The following RAD54L2 variants were observed in gnomAD, a reference collection of about 807,000 sequenced individuals.
RAD54L2 encodes the protein helicase ARIP4.
RAD54L2 carries 27 observed loss-of-function variants against 138.4 expected under a neutral mutation model. That is an observed-to-expected ratio of 0.20 (90% CI 0.14 to 0.27). RAD54L2 has a LOEUF of 0.27. RAD54L2 is among the 10% of genes least tolerant of loss of function. The probability of loss-of-function intolerance (pLI) is 1.00; values close to 1 mark genes in which losing one functional copy is unlikely to be tolerated. For missense variants in RAD54L2, 1,396 were observed against 1,890.2 expected (o/e 0.74, Z 4.85); for synonymous variants, 644 against 723.2 (o/e 0.89, Z 1.76).
chr3:51,629,657 G>C (rs529205243), intron 5 of RAD54L2, among the ~76,000 whole-genome samples, 184 bp downstream of exon 5: 1 of 151,992 alleles, frequency 6.6e-6, no homozygotes, highest in Non-Finnish European at 1.5e-5. Flanking sequence ...TCAGGAGTTC[G>C]AGACCAGTCT....
chr3:51,582,987 G>T (rs1699641312), intron 2 of RAD54L2, among the ~76,000 whole-genome samples: 2 of 152,056 alleles, frequency 1.3e-5, no homozygotes. Flanking sequence ...GGATGGTCTC[G>T]ATCTCCTGAC....
rs866286625 is a variant in RAD54L2, at chr3:51,630,459, A to G, written c.598+71A>G. The G allele has an allele frequency of 5.8e-5, 81 of 1,401,412 alleles. 1 individual carries two copies. The Middle Eastern group carries it at 1.9e-3, about 32-fold the overall frequency. 86.8% of individuals were successfully genotyped at this position (1,401,412 alleles called of 1,614,324 possible). A position where few individuals can be genotyped will look rare whatever the true frequency, so the allele number is the denominator to read the frequency against. On this transcript the variant is annotated intron_variant, in intron 6 of 22. Coordinates refer to ENST00000684192, the MANE Select transcript of RAD54L2 (RefSeq NM_015106.4). ...TGCTGAGATCGGCTATACTTTGAAAAGAGTCCAGTCCTTCCTCCTTCAATT... is the reference window on the plus strand; with the variant it reads ...TGCTGAGATCGGCTATACTTTGAAAGGAGTCCAGTCCTTCCTCCTTCAATT...
At chr3:51,656,926 G>T (rs989130013) in intron 20 of RAD54L2, among the ~76,000 whole-genome samples, 15 of 152,040 alleles carry the variant, frequency 9.9e-5, no homozygotes, top group African/African-American at 3.1e-4. Flanking sequence ...TAATAGAGAT[G>T]GGGTTTCACC....
At chr3:51,642,353 G>C (rs572176466) in intron 15 of RAD54L2, among the ~76,000 whole-genome samples, 4 of 149,072 alleles carry the variant, frequency 2.7e-5, no homozygotes, top group African/African-American at 9.9e-5. Flanking sequence ...TTTTTGAGCA[G>C]GGGGTGGAAA....
rs375173352 is a variant in RAD54L2 at position 51,573,685 on chromosome 3, G to C, written c.-54-16682G>C. ...GGGTTTTGCCATGTTGGCCACGCTG[G>C]TCTCGAACTCCTGACCTCAGGTGAG... On this transcript the variant is annotated intron_variant, in intron 2 of 22. Transcript: ENST00000684192. Among the ~76,000 whole-genome samples the C allele has an allele frequency of 7.2e-5, 11 of 152,208 alleles. No individual in the cohort carries two copies. In the East Asian group the frequency reaches 1.4e-3, roughly 19 times the overall value.
intron 5 of RAD54L2, 134 bp downstream of exon 5, chr3:51,629,607 C>T: frequency 1.7e-6 from 2 of 1,161,696 alleles, no homozygotes; most frequent in Non-Finnish European, 2.4e-6. Flanking sequence ...GCCTGTAATC[C>T]CAGCATTATG....
intron 2 of RAD54L2, among the ~76,000 whole-genome samples, chr3:51,578,705 A>G (rs1029901041): frequency 1.3e-5 from 2 of 152,078 alleles, no homozygotes; most frequent in African/African-American, 4.8e-5. Context: ...GGGAAGAGCA[A>G]ACTCTTTACT....
intron 3 of RAD54L2, among the ~76,000 whole-genome samples, chr3:51,597,165 CAAAAAAAAAA>C (rs145812228): frequency 1.2e-4 from 6 of 49,270 alleles, no homozygotes; most frequent in Non-Finnish European, 2.0e-4. Flanking sequence ...GACTTCATTT[CAAAAAAAAAA>C]AAAAAAAAAA....
intron 2 of RAD54L2, among the ~76,000 whole-genome samples, chr3:51,544,323 C>G (rs1698631425): frequency 6.6e-6 from 1 of 152,146 alleles, no homozygotes. Context: ...TTTGTTTTTC[C>G]AGGTTGCTAA....
chr3:51,615,631 G>A (rs1280111055), intron 3 of RAD54L2, among the ~76,000 whole-genome samples: 4 of 152,156 alleles, frequency 2.6e-5, no homozygotes, highest in Non-Finnish European at 5.9e-5. Flanking sequence ...CATTCTAGAA[G>A]GGAAGACAGA....
intron 3 of RAD54L2, among the ~76,000 whole-genome samples, chr3:51,590,906 G>C (rs766399360): frequency 3.3e-5 from 5 of 152,170 alleles, no homozygotes; most frequent in Non-Finnish European, 7.3e-5. Context: ...GGAGGCCATG[G>C]GCTCTTCAGG....
chr3:51,635,499 T>C (rs1700963494), intron 9 of RAD54L2, 94 bp from the exon 10 acceptor site: 4 of 1,340,464 alleles, frequency 3.0e-6, no homozygotes, highest in Non-Finnish European at 4.0e-6. Flanking sequence ...CAACACAGCT[T>C]TGATTGTGAG....
In RAD54L2 at chr3:51,668,426, A is replaced by C. The variant is rs1241078746; in HGVS notation, c.*5006A>C. The C allele has an allele frequency of 6.6e-6, 1 of 152,072 alleles. No individual in the cohort carries two copies. The highest frequency in any genetic ancestry group is 1.5e-5 in the Non-Finnish European group (1 of 68,046). 9.4% of individuals were successfully genotyped at this position (152,072 alleles called of 1,614,324 possible). ...CTGGGACCTGTGCCTGGCTTCGAGG[A>C]GCATCTGTGGCTGGGTGATCCAGCT... On this transcript the variant is annotated 3_prime_UTR_variant, in exon 23 of 23. Transcript: ENST00000684192.
chr3:51,566,035 A>T (rs1219283893), intron 2 of RAD54L2, among the ~76,000 whole-genome samples: 1 of 150,908 alleles, frequency 6.6e-6, no homozygotes, highest in Non-Finnish European at 1.5e-5. Flanking sequence ...TCACCATGTT[A>T]GCCAGGATAG....
At chr3:51,574,280 A>G (rs184278902) in intron 2 of RAD54L2, among the ~76,000 whole-genome samples, 9 of 152,176 alleles carry the variant, frequency 5.9e-5, no homozygotes, top group Non-Finnish European at 8.8e-5. Context: ...AGTCTTTGCT[A>G]TTGTGAATAG....
chr3:51,606,671 T>A (rs59857544), intron 3 of RAD54L2, among the ~76,000 whole-genome samples: 10,253 of 152,088 alleles, frequency 0.067, 898 homozygotes, highest in East Asian at 0.33. Context: ...TTTTTTTTTT[T>A]ATGTATCTAT....
intron 9 of RAD54L2, 102 bp downstream of exon 9, chr3:51,634,137 A>G (rs1227111058): frequency 2.1e-6 from 3 of 1,419,602 alleles, no homozygotes; most frequent in African/African-American, 2.9e-5. Flanking sequence ...GTGCATCTAG[A>G]TTTGTTTTTG....
intron 3 of RAD54L2, among the ~76,000 whole-genome samples, chr3:51,598,350 C>G (rs911080629): frequency 1.4e-4 from 22 of 152,232 alleles, no homozygotes; most frequent in African/African-American, 5.3e-4. Context: ...AAATTCCAAA[C>G]CCTCCTTTCT....
chr3:51,668,327 A>T lies in RAD54L2; in HGVS notation c.*4907A>T, dbSNP rs1257931557. The T allele has an allele frequency of 2.6e-5, 4 of 152,028 alleles. No homozygotes were observed. Among genetic ancestry groups the T allele is most frequent in the Non-Finnish European group, 5.9e-5 (4 of 68,052 alleles). The allele number at this position is 152,028 out of a possible 1,614,324, so 9.4% of individuals were successfully genotyped here. Reference sequence around the variant, plus strand: ...AGACTGCTGCCAGGAGGAGTGGGGGATAATGAGGTGGCCCCAGGGTCCTGG... The same window carrying T: ...AGACTGCTGCCAGGAGGAGTGGGGGTTAATGAGGTGGCCCCAGGGTCCTGG... On this transcript the variant is annotated 3_prime_UTR_variant, in exon 23 of 23. Transcript: ENST00000684192.
Sources: gnomAD v4.1 joint callset for allele counts (sites outside exome capture counted in the v4.1 genomes callset) on GRCh38, gnomAD v4.1.1 for gene constraint, MANE v1.5 for transcripts, NCBI Gene and HGNC (gene_info 2026-07-23, HGNC 2026-07-21) for gene names.